ANXA6: variants seen among roughly 807,000 people sequenced by gnomAD.
ANXA6 encodes the protein annexin A6.
Under a neutral mutation model 95.4 loss-of-function variants are expected in ANXA6, and 71 were observed. That is an observed-to-expected ratio of 0.74 (90% CI 0.61 to 0.91). The LOEUF is 0.91. Among genes scored for constraint, ANXA6 ranks in the 40% least tolerant of loss-of-function variants. The pLI, the probability that ANXA6 is intolerant of heterozygous loss-of-function variation, is 0.00. For synonymous variants in ANXA6, 289 were observed against 315.9 expected, an observed-to-expected ratio of 0.91 and a Z score of 0.90; for missense variants, 830 against 876.4, an observed-to-expected ratio of 0.95 and a Z score of 0.67.
chr5:151,124,773 C>T (rs748105513), intron 14 of ANXA6, among the ~76,000 whole-genome samples: 5 of 152,196 alleles, frequency 3.3e-5, no homozygotes, highest in African/African-American at 1.2e-4. Context: ...AAGAGTCATT[C>T]CCCCTGAAAA....
chr5:151,102,420 G>A (rs1764574411), intron 25 of ANXA6, among the ~76,000 whole-genome samples: 1 of 152,074 alleles, frequency 6.6e-6, no homozygotes. Flanking sequence ...AAAGTCAGAC[G>A]CAGCCAGGTG....
intron 1 of ANXA6, among the ~76,000 whole-genome samples, chr5:151,152,667 C>T (rs1214764504): frequency 6.6e-6 from 1 of 152,146 alleles, no homozygotes; most frequent in Non-Finnish European, 1.5e-5. Flanking sequence ...AAGAGTATCA[C>T]CACTTTCCAA....
At position 151,114,750 on chromosome 5, in the gene ANXA6, G is replaced by A. The variant is rs893998589; in HGVS notation, c.1572+2377C>T. ...CTCTAATTGGACAACAGAGTGAAAG[G>A]GGAAGCAATTAACAATCACTGTGGG... is the stretch of plus-strand genomic sequence containing the variant. On this transcript the variant is annotated intron_variant, in intron 20 of 25. Coordinates refer to ENST00000354546, the MANE Select transcript of ANXA6 (RefSeq NM_001155.5). Among the ~76,000 whole-genome samples the A allele has an allele frequency of 2.0e-5, 3 of 151,828 alleles. 1 individual carries two copies. The highest frequency in any genetic ancestry group is 2.1e-4 in the South Asian group (1 of 4,816).
At chr5:151,110,530 G>A in intron 21 of ANXA6, 97 bp downstream of exon 21, 3 of 1,369,110 alleles carry the variant, frequency 2.2e-6, no homozygotes, top group Non-Finnish European at 3.1e-6. Context: ...CGCACAGCAA[G>A]CTCCCAAATC....
intron 12 of ANXA6, 148 bp from the exon 13 acceptor site, chr5:151,128,387 T>C (rs1206239116): frequency 1.5e-6 from 1 of 662,424 alleles, no homozygotes; most frequent in Non-Finnish European, 2.6e-6. Flanking sequence ...TGGTTAATAT[T>C]GAATAACTGG....
At chr5:151,106,720 G>A (rs932103578) in intron 23 of ANXA6, among the ~76,000 whole-genome samples, 10 of 152,060 alleles carry the variant, frequency 6.6e-5, no homozygotes, top group East Asian at 1.9e-4. Flanking sequence ...TCACCTCCAG[G>A]AAGCCTTCCC....
Position 151,108,435 on chromosome 5 carries a change from C to G in ANXA6, c.1780+20G>C, listed in dbSNP as rs779472180. ...AAGTTCCCAGTGCCCCCAGCCCTTC[C>G]CTTAGTCCCTGCCAGTTACCAATGG... On this transcript the variant is annotated intron_variant, in intron 23 of 25. Transcript: ENST00000354546. 1.9e-6 allele frequency: 3 copies of G among 1,607,852 alleles called. No individual in the cohort carries two copies. The highest frequency in any genetic ancestry group is 2.6e-6 in the Non-Finnish European group (3 of 1,174,230).
chr5:151,128,441 G>A (rs1388290182), intron 12 of ANXA6: 4 of 559,870 alleles, frequency 7.1e-6, no homozygotes, highest in Middle Eastern at 4.7e-4. Flanking sequence ...TATAGCATTT[G>A]CCTATTTCTG....
At chr5:151,142,037 C>A (rs1380837790) in intron 2 of ANXA6, among the ~76,000 whole-genome samples, 1 of 152,206 alleles carries the variant, frequency 6.6e-6, no homozygotes, top group Non-Finnish European at 1.5e-5. Flanking sequence ...CAAGTATTTG[C>A]CACATGAATA....
chr5:151,104,163 G>A (rs528318269), intron 24 of ANXA6, among the ~76,000 whole-genome samples: 2 of 152,336 alleles, frequency 1.3e-5, no homozygotes, highest in East Asian at 3.9e-4. Context: ...AGCTAGGAGA[G>A]GCAGGGGAGT....
intron 23 of ANXA6, among the ~76,000 whole-genome samples, chr5:151,108,125 C>A (rs1764748832): frequency 6.6e-6 from 1 of 151,350 alleles, no homozygotes; most frequent in African/African-American, 2.4e-5. Flanking sequence ...TAGTATGTGT[C>A]TTGTATATGT....
At chr5:151,147,645 C>T (rs1430952418) in intron 2 of ANXA6, among the ~76,000 whole-genome samples, 1 of 152,232 alleles carries the variant, frequency 6.6e-6, no homozygotes. Context: ...CTGGGCCTCT[C>T]TGTCAGATAA....
At chr5:151,138,524 C>T (rs1028504513) in intron 5 of ANXA6, among the ~76,000 whole-genome samples, 154 bp downstream of exon 5, 3 of 152,250 alleles carry the variant, frequency 2.0e-5, no homozygotes, top group African/African-American at 4.8e-5. Context: ...GTGTGCGGAT[C>T]GGGATGCTCC....
chr5:151,114,935 G>A (rs1764957358), intron 20 of ANXA6, among the ~76,000 whole-genome samples: 1 of 152,120 alleles, frequency 6.6e-6, no homozygotes, highest in South Asian at 2.1e-4. Context: ...GTTATCTAAG[G>A]GGGAGCTTGA....
intron 14 of ANXA6, among the ~76,000 whole-genome samples, chr5:151,125,341 CAAAAAAA>C (rs34691391): frequency 8.5e-6 from 1 of 118,228 alleles, no homozygotes; most frequent in Non-Finnish European, 1.7e-5. Flanking sequence ...GACCCTGTCT[CAAAAAAA>C]AAAAAAAAAA....
intron 2 of ANXA6, among the ~76,000 whole-genome samples, chr5:151,146,133 G>T (rs1765970470): frequency 6.6e-6 from 1 of 152,218 alleles, no homozygotes; most frequent in African/African-American, 2.4e-5. Flanking sequence ...CCACAGATCA[G>T]CCAGGCAGAA....
At chr5:151,116,984 G>T in intron 20 of ANXA6, 143 bp downstream of exon 20, 1 of 600,930 alleles carries the variant, frequency 1.7e-6, no homozygotes, top group South Asian at 2.9e-5. Flanking sequence ...CATTTCTACA[G>T]TCTAAGTATC....
At chr5:151,156,869 A>G (rs1158935714) in intron 1 of ANXA6, among the ~76,000 whole-genome samples, 2 of 152,188 alleles carry the variant, frequency 1.3e-5, no homozygotes, top group East Asian at 1.9e-4. Flanking sequence ...GGGTTTCTCA[A>G]CTATGGACTT....
rs61407672 is a variant in ANXA6 at position 151,114,613 on chromosome 5, T to TAAAAAAAAAAAAAAAA, written c.1572+2498_1572+2513dup. 1.3e-4 allele frequency among the ~76,000 whole-genome samples: 9 copies of TAAAAAAAAAAAAAAAA among 70,318 alleles called. No individual in the cohort carries two copies. In the East Asian group the frequency reaches 2.5e-3, roughly 20 times the overall value. 46.1% of individuals were successfully genotyped at this position (70,318 alleles called of 152,430 possible). On this transcript the variant is annotated intron_variant, in intron 20 of 25. Coordinates refer to ENST00000354546, the MANE Select transcript of ANXA6 (RefSeq NM_001155.5). Reference sequence around the variant, plus strand: ...TGGGCAACAGAGCGAGACTCCGTCTTAAAAAAAAAAAAAAAAAAAAAAAAA... The same window carrying TAAAAAAAAAAAAAAAA: ...TGGGCAACAGAGCGAGACTCCGTCTTAAAAAAAAAAAAAAAAAAAAAAAAAAAAAAAAAAAAAAAAA...
Sources: gnomAD v4.1 joint callset for allele counts (sites outside exome capture counted in the v4.1 genomes callset) on GRCh38, gnomAD v4.1.1 for gene constraint, MANE v1.5 for transcripts, NCBI Gene and HGNC (gene_info 2026-07-23, HGNC 2026-07-21) for gene names.